DNAJC8: variants seen among roughly 807,000 people sequenced by gnomAD.
DNAJC8 encodes the protein DnaJ heat shock protein family (Hsp40) member C8, also known as dnaJ homolog subfamily C member 8.
A neutral mutation model predicts 43.2 loss-of-function variants in DNAJC8; 24 were observed. The observed-to-expected ratio is 0.56, with a 90% CI of 0.40 to 0.78. DNAJC8 has a LOEUF of 0.78. Ranked by LOEUF, DNAJC8 falls within the 30% of genes least tolerant of loss-of-function variation. The pLI is 0.00. For synonymous variants in DNAJC8, 83 were observed against 98.0 expected (o/e 0.85, Z 0.90); for missense variants, 207 against 299.4 (o/e 0.69, Z 2.28).
chr1:28,222,825 A>G (rs1038797126), intron 2 of DNAJC8, among the ~76,000 whole-genome samples: 1 of 152,124 alleles, frequency 6.6e-6, no homozygotes, highest in Admixed American at 6.6e-5. Context: ...TGTACAAAGA[A>G]GTTCAGAAAG....
At chr1:28,208,866 C>G (rs1414739927) in intron 5 of DNAJC8, 1 of 152,624 alleles carries the variant, frequency 6.6e-6, no homozygotes, top group Non-Finnish European at 1.5e-5. Flanking sequence ...TCACTTTCAC[C>G]ATGGAACCTC....
At chr1:28,224,134 A>C (rs1214731579) in intron 2 of DNAJC8, among the ~76,000 whole-genome samples, 1 of 152,208 alleles carries the variant, frequency 6.6e-6, no homozygotes, top group Non-Finnish European at 1.5e-5. Context: ...TACTGAATAA[A>C]ATAGAAAAAC....
intron 4 of DNAJC8, 199 bp downstream of exon 4, chr1:28,210,372 G>T: frequency 1.7e-6 from 1 of 573,916 alleles, no homozygotes; most frequent in South Asian, 2.4e-5. Context: ...GCATATAAAA[G>T]TTTTAACAAA....
chr1:28,203,614 T>C (rs1646750908), intron 8 of DNAJC8, 133 bp downstream of exon 8: 14 of 867,502 alleles, frequency 1.6e-5, no homozygotes, highest in Admixed American at 3.9e-5. Context: ...AGGCCCAGCC[T>C]CATTCTTCAC....
intron 7 of DNAJC8, among the ~76,000 whole-genome samples, chr1:28,204,410 G>A (rs748538908): frequency 1.4e-4 from 22 of 152,000 alleles, no homozygotes; most frequent in Non-Finnish European, 2.8e-4. Flanking sequence ...GTGAAACCCC[G>A]TCTCTACTAA....
At chr1:28,217,127 A>G (rs1043434353) in intron 2 of DNAJC8, among the ~76,000 whole-genome samples, 1 of 150,736 alleles carries the variant, frequency 6.6e-6, no homozygotes, top group Non-Finnish European at 1.5e-5. Flanking sequence ...ACTTCTTTAA[A>G]CAAATAATTT....
At position 28,200,596 on chromosome 1, in the gene DNAJC8, C is replaced by A. The variant is rs1557703692; in HGVS notation, c.*652G>T. 6.6e-6 allele frequency: 3 copies of A among 456,490 alleles called. No individual in the cohort carries two copies. Among genetic ancestry groups the A allele is most frequent in the Non-Finnish European group, 1.3e-5 (3 of 226,820 alleles). 28.3% of individuals were successfully genotyped at this position (456,490 alleles called of 1,614,324 possible). A position where few individuals can be genotyped will look rare whatever the true frequency, so the allele number is the denominator to read the frequency against. ...TTATTATACATAAAGAATATTACCA[C>A]TAACAAATGCAGACAGGCTAGGACA... On this transcript the variant is annotated 3_prime_UTR_variant, in exon 9 of 9. Transcript: ENST00000263697.
At chr1:28,214,226 T>C (rs538932965) in intron 3 of DNAJC8, among the ~76,000 whole-genome samples, 1 of 152,262 alleles carries the variant, frequency 6.6e-6, no homozygotes, top group South Asian at 2.1e-4. Context: ...TAGGTATTCA[T>C]TTAAGTTGGC....
chr1:28,200,708 CA>C lies in DNAJC8; in HGVS notation c.*539del, dbSNP rs1646727674. On this transcript the variant is annotated 3_prime_UTR_variant, in exon 9 of 9. Transcript: ENST00000263697. ...CATGCCACACTGATTGGTCAGTAGA[CA>C]GGGGGCACATGCCAAACACCACAGG... The C allele has an allele frequency of 4.4e-6, 2 of 454,254 alleles. No individual in the cohort carries two copies. Among genetic ancestry groups the C allele is most frequent in the African/African-American group, 2.0e-5 (1 of 50,002 alleles). The allele number at this position is 454,254 out of a possible 1,614,324, so 28.1% of individuals were successfully genotyped here. A position where few individuals can be genotyped will look rare whatever the true frequency, so the allele number is the denominator to read the frequency against.
intron 3 of DNAJC8, among the ~76,000 whole-genome samples, chr1:28,213,128 C>G (rs12402264): frequency 0.19 from 28,728 of 152,100 alleles, 3,185 homozygotes; most frequent in Non-Finnish European, 0.25. Context: ...TTAAATGTAA[C>G]TTGCTCAAGT....
At chr1:28,201,439 A>G in intron 8 of DNAJC8, 69 bp from the exon 9 acceptor site, 1 of 1,602,366 alleles carries the variant, frequency 6.2e-7, no homozygotes, top group Admixed American at 1.7e-5. Flanking sequence ...CTGGTCTGCC[A>G]TCCACTCACC....
At chr1:28,213,957 A>C (rs1646833429) in intron 3 of DNAJC8, among the ~76,000 whole-genome samples, 1 of 152,110 alleles carries the variant, frequency 6.6e-6, no homozygotes. Flanking sequence ...CACAGGTTGC[A>C]GTGAGCCAAG....
At chr1:28,201,512 G>A (rs1032525280) in intron 8 of DNAJC8, 142 bp from the exon 9 acceptor site, 9 of 1,304,708 alleles carry the variant, frequency 6.9e-6, no homozygotes, top group Non-Finnish European at 9.4e-6. Context: ...GAGCTGGCCA[G>A]GCACAGTGGC....
At chr1:28,228,185 C>T (rs1255505395) in intron 2 of DNAJC8, among the ~76,000 whole-genome samples, 1 of 151,852 alleles carries the variant, frequency 6.6e-6, no homozygotes, top group South Asian at 2.1e-4. Context: ...CCCATCTCTA[C>T]TAAGAATACA....
Position 28,201,366 on chromosome 1 carries a change from C to T in DNAJC8, c.644G>A (p.Ser215Asn). The T allele has an allele frequency of 1.2e-6, 2 of 1,613,940 alleles. No homozygotes were observed. The highest frequency in any genetic ancestry group is 1.7e-6 in the Non-Finnish European group (2 of 1,180,020). The change falls in exon 9 of 9, where the codon AGT becomes AAT. Residue 215 changes from serine (S) to asparagine (N), a missense_variant. This residue lies in a region of DNAJC8 where 159 missense variants were observed against 267.5 expected (regional missense o/e 0.59). Transcript: ENST00000263697. ...EREWQKNFEE[S>N]RDGRVDSWRN... ...CCAGCTGTCCACACGACCATCTCGA[C>T]TTTCCTAAGTACAAAAGAAGTTTGA...
chr1:28,201,070 C>T lies in DNAJC8; in HGVS notation c.*178G>A. 1 of 926,986 alleles carries T rather than the reference C, an allele frequency of 1.1e-6. No homozygotes were observed. Among genetic ancestry groups the T allele is most frequent in the Non-Finnish European group, 1.6e-6 (1 of 634,272 alleles). The allele number at this position is 926,986 out of a possible 1,614,324, so 57.4% of individuals were successfully genotyped here. ...GGAAAGGTCTTTTTTTAAACCAAGC[C>T]CCTCATTTCAATGTACAAAAGAATT... is the stretch of plus-strand genomic sequence containing the variant. On this transcript the variant is annotated 3_prime_UTR_variant, in exon 9 of 9. Coordinates refer to ENST00000263697, the MANE Select transcript of DNAJC8 (RefSeq NM_014280.3).
intron 2 of DNAJC8, among the ~76,000 whole-genome samples, chr1:28,221,662 TA>T (rs1646899189): frequency 6.6e-6 from 1 of 152,212 alleles, no homozygotes; most frequent in Admixed American, 6.5e-5. Flanking sequence ...TTCATGGTAC[TA>T]TGCTCGATTT....
At chr1:28,212,450 T>C (rs1646821636) in intron 3 of DNAJC8, among the ~76,000 whole-genome samples, 1 of 150,610 alleles carries the variant, frequency 6.6e-6, no homozygotes, top group Admixed American at 6.7e-5. Flanking sequence ...GCTGTTGTTG[T>C]TTTTCGTTTT....
At chr1:28,214,488 C>G (rs558023048) in intron 3 of DNAJC8, among the ~76,000 whole-genome samples, 105 of 152,258 alleles carry the variant, frequency 6.9e-4, no homozygotes, top group Non-Finnish European at 1.3e-3. Flanking sequence ...GACCTGAGAT[C>G]ATGCCACTAC....
Sources: gnomAD v4.1 joint callset for allele counts (sites outside exome capture counted in the v4.1 genomes callset) on GRCh38, gnomAD v4.1.1 for gene constraint, gnomAD v4.1.1 regional missense constraint, MANE v1.5 for transcripts, NCBI Gene and HGNC (gene_info 2026-07-23, HGNC 2026-07-21) for gene names.